CDK14: variants seen among roughly 807,000 people sequenced by gnomAD.
CDK14 encodes cyclin-dependent kinase 14.
A neutral mutation model predicts 60.7 loss-of-function variants in CDK14; 34 were observed. The ratio of observed to expected loss-of-function variants is 0.56; its 90% CI spans 0.43 to 0.75. The LOEUF is 0.75. Among genes scored for constraint, CDK14 ranks in the 30% least tolerant of loss-of-function variants. The pLI is 0.00. For synonymous variants in CDK14, 197 were observed against 203.7 expected, an observed-to-expected ratio of 0.97 and a Z score of 0.28; for missense variants, 482 against 564.1, an observed-to-expected ratio of 0.85 and a Z score of 1.47.
At chr7:90,879,129 A>G (rs569309151) in intron 6 of CDK14, among the ~76,000 whole-genome samples, 61 of 152,198 alleles carry the variant, frequency 4.0e-4, no homozygotes, top group Non-Finnish European at 7.8e-4. Context: ...TCCTGACTGA[A>G]GTATCCCAAA....
chr7:90,728,018 T>A (rs1802704361), intron 3 of CDK14, among the ~76,000 whole-genome samples: 2 of 152,186 alleles, frequency 1.3e-5, no homozygotes, highest in Non-Finnish European at 2.9e-5. Flanking sequence ...CGTTGATTAC[T>A]TGATTAATAA....
chr7:90,653,914 G>GCA (rs1800700829), intron 2 of CDK14, among the ~76,000 whole-genome samples: 1 of 152,070 alleles, frequency 6.6e-6, no homozygotes, highest in Non-Finnish European at 1.5e-5. Flanking sequence ...GAGAACAGGT[G>GCA]GTGTTTGGTT....
At chr7:91,110,282 T>C (rs1799434683) in intron 12 of CDK14, among the ~76,000 whole-genome samples, 1 of 152,204 alleles carries the variant, frequency 6.6e-6, no homozygotes, top group Non-Finnish European at 1.5e-5. Flanking sequence ...ATTATTGGCA[T>C]ATTAAAGTGT....
At chr7:91,175,168 A>T (rs1361156461) in intron 14 of CDK14, among the ~76,000 whole-genome samples, 2 of 151,636 alleles carry the variant, frequency 1.3e-5, no homozygotes, top group East Asian at 3.9e-4. Context: ...TTCTTAAAGA[A>T]AAGAATTTTC....
chr7:90,888,551 T>C (rs778663690), intron 6 of CDK14, among the ~76,000 whole-genome samples: 8 of 152,206 alleles, frequency 5.3e-5, no homozygotes, highest in Non-Finnish European at 1.0e-4. Flanking sequence ...TGTTCTCTCT[T>C]CCGTTAGTTC....
intron 10 of CDK14, among the ~76,000 whole-genome samples, chr7:91,021,341 A>G (rs1796429529): frequency 6.6e-6 from 1 of 152,200 alleles, no homozygotes; most frequent in South Asian, 2.1e-4. Flanking sequence ...AGTAGTAATA[A>G]TATCTACCTG....
intron 10 of CDK14, among the ~76,000 whole-genome samples, chr7:91,026,670 T>G (rs2115905039): frequency 2.0e-5 from 3 of 152,306 alleles, no homozygotes; most frequent in Admixed American, 2.0e-4. Context: ...CAGTCACCAT[T>G]AGCTGCGTGA....
chr7:90,803,614 A>G (rs540598242), intron 5 of CDK14, among the ~76,000 whole-genome samples: 32 of 152,250 alleles, frequency 2.1e-4, no homozygotes, highest in Admixed American at 5.9e-4. Context: ...AAGAAAGACA[A>G]TGAGTTCAAT....
At chr7:90,888,173 AC>A (rs1180873983) in intron 6 of CDK14, among the ~76,000 whole-genome samples, 2 of 151,934 alleles carry the variant, frequency 1.3e-5, no homozygotes, top group Admixed American at 6.6e-5. Flanking sequence ...AGCATGGTGA[AC>A]CCCCCTCTCT....
intron 12 of CDK14, among the ~76,000 whole-genome samples, chr7:91,083,021 TGA>T (rs976254659): frequency 1.3e-5 from 2 of 152,188 alleles, no homozygotes; most frequent in African/African-American, 4.8e-5. Flanking sequence ...TTTAAAAATG[TGA>T]GAGGAAGGTA....
rs111861291 is a variant in CDK14 at position 91,062,349 on chromosome 7, G to A, written c.1105+16389G>A. ...AATTCCCTGACCCCTTGCACTTCCC[G>A]GGTGAGGTGATGCCTCTACCTGCTT... On this transcript the variant is annotated intron_variant, in intron 11 of 14. Transcript: ENST00000380050. 8.1e-3 allele frequency among the ~76,000 whole-genome samples: 1,239 copies of A among 152,248 alleles called. 19 individuals are homozygous for A. The highest frequency in any genetic ancestry group is 0.027 in the African/African-American group (1,141 of 41,556).
chr7:90,940,638 C>A (rs2159506), intron 8 of CDK14, among the ~76,000 whole-genome samples: 125,856 of 151,916 alleles, frequency 0.83, 52,286 homozygotes, highest in East Asian at 0.95. Flanking sequence ...ATATAAAAAT[C>A]AGCCAGGTGT....
chr7:91,198,609 C>T (rs772012113), intron 14 of CDK14, among the ~76,000 whole-genome samples: 1 of 152,172 alleles, frequency 6.6e-6, no homozygotes, highest in Non-Finnish European at 1.5e-5. Context: ...GGAAAGAAAT[C>T]TCCCATGAAC....
chr7:90,968,107 G>A (rs1330321080), intron 9 of CDK14, among the ~76,000 whole-genome samples: 1 of 152,092 alleles, frequency 6.6e-6, no homozygotes, highest in African/African-American at 2.4e-5. Context: ...TCATTTGCTG[G>A]TATTTTGCTG....
intron 2 of CDK14, among the ~76,000 whole-genome samples, chr7:90,624,347 A>G (rs1036267044): frequency 1.2e-4 from 18 of 152,330 alleles, no homozygotes; most frequent in Admixed American, 3.3e-4. Context: ...TATTTCTTCT[A>G]TTTCATAACA....
intron 2 of CDK14, among the ~76,000 whole-genome samples, chr7:90,633,932 T>C (rs188010921): frequency 7.4e-4 from 112 of 152,286 alleles, no homozygotes; most frequent in Non-Finnish European, 1.5e-3. Context: ...GTGAATATAT[T>C]TGTACTTTGT....
At chr7:91,168,251 ACT>A (rs992828465) in intron 14 of CDK14, among the ~76,000 whole-genome samples, 2 of 124,672 alleles carry the variant, frequency 1.6e-5, no homozygotes, top group African/African-American at 7.0e-5. Flanking sequence ...ACAGTGTGAG[ACT>A]CTGTCTCAAA....
intron 7 of CDK14, among the ~76,000 whole-genome samples, chr7:90,912,612 A>G (rs1379446239): frequency 6.6e-6 from 1 of 151,980 alleles, no homozygotes; most frequent in African/African-American, 2.4e-5. Flanking sequence ...TTGTTTATTC[A>G]TTTGTTTGTT....
At chr7:90,995,222 C>A (rs1389934368) in intron 10 of CDK14, among the ~76,000 whole-genome samples, 1 of 152,170 alleles carries the variant, frequency 6.6e-6, no homozygotes. Context: ...CTGAGGGAAG[C>A]CAGCTGCCAT....
Sources: allele counts gnomAD v4.1 joint callset (sites outside exome capture counted in the v4.1 genomes callset), GRCh38; gene constraint gnomAD v4.1.1; transcripts MANE v1.5; gene names NCBI Gene and HGNC (gene_info 2026-07-23, HGNC 2026-07-21).